Variants in ANKRD30A observed in about 807,000 individuals in gnomAD.
ANKRD30A encodes ankyrin repeat domain 30A.
Under a neutral mutation model 166.3 loss-of-function variants are expected in ANKRD30A, and 170 were observed. That is an observed-to-expected ratio of 1.02 (90% CI 0.90 to 1.16). ANKRD30A has a LOEUF of 1.16. Among genes scored for constraint, ANKRD30A ranks in the 50% most tolerant of loss-of-function variants. ANKRD30A has a pLI of 0.00. For synonymous variants in ANKRD30A, 564 were observed against 508.9 expected (o/e 1.11, Z -1.46); for missense variants, 1,630 against 1,518.0 (o/e 1.07, Z -1.23).
intron 18 of ANKRD30A, among the ~76,000 whole-genome samples, chr10:37,166,154 C>A (rs976279740): frequency 6.6e-6 from 1 of 152,142 alleles, no homozygotes; most frequent in African/African-American, 2.4e-5. Flanking sequence ...CTCATCATGA[C>A]ATGCATGATT....
chr10:37,206,799 A>C (rs941371942), intron 31 of ANKRD30A, among the ~76,000 whole-genome samples: 1 of 151,812 alleles, frequency 6.6e-6, no homozygotes, highest in African/African-American at 2.4e-5. Context: ...CATCTCAAAA[A>C]AAATAAAAAT....
the ANKRD30A span, among the ~76,000 whole-genome samples, chr10:37,258,978 A>C: frequency 0.041 from 6,164 of 150,608 alleles, 196 homozygotes; most frequent in South Asian, 0.059. Flanking sequence ...AAAAAAAAAA[A>C]AAAAAAACAA....
intron 12 of ANKRD30A, among the ~76,000 whole-genome samples, chr10:37,152,802 T>C (rs17590243): frequency 2.6e-5 from 4 of 152,074 alleles, no homozygotes. Flanking sequence ...GTCACAACTG[T>C]GGAAAGACAT....
chr10:37,205,201 A>G (rs897586359), intron 31 of ANKRD30A, among the ~76,000 whole-genome samples: 1 of 152,190 alleles, frequency 6.6e-6, no homozygotes, highest in African/African-American at 2.4e-5. Flanking sequence ...AACTAACCCA[A>G]ATATACATCA....
At chr10:37,158,464 T>A (rs1203625156) in intron 14 of ANKRD30A, 44 bp downstream of exon 14, 31 of 1,612,232 alleles carry the variant, frequency 1.9e-5, no homozygotes, top group Non-Finnish European at 2.6e-5. Context: ...ACTACATATT[T>A]TATGAAGTAT....
At chr10:37,231,138 T>C (rs1020835003) in intron 34 of ANKRD30A, among the ~76,000 whole-genome samples, 2 of 152,110 alleles carry the variant, frequency 1.3e-5, no homozygotes, top group Non-Finnish European at 2.9e-5. Flanking sequence ...ATAGCTTTTT[T>C]AATTTTAGTT....
chr10:37,195,713 T>C (rs1209567190), intron 27 of ANKRD30A, among the ~76,000 whole-genome samples: 1 of 152,120 alleles, frequency 6.6e-6, no homozygotes, highest in Admixed American at 6.5e-5. Context: ...ACTAACACAG[T>C]GAAACCCTGT....
Position 37,141,964 on chromosome 10 carries a change from A to G in ANKRD30A, c.1067A>G (p.Glu356Gly). 1 of 1,614,200 alleles carries G rather than the reference A, an allele frequency of 6.2e-7. No homozygotes were observed. The highest frequency in any genetic ancestry group is 1.1e-5 in the South Asian group (1 of 91,092). The change falls in exon 7 of 36, where the codon GAA becomes GGA. Residue 356 changes from glutamate (E) to glycine (G), a missense_variant. By Grantham distance (98) the Glu-to-Gly change is moderately conservative. Coordinates refer to ENST00000361713, the MANE Select transcript of ANKRD30A (RefSeq NM_052997.3). ...GGAAAGTTCGAACAGTCAGCAGAAGAAACACCTAGGGAAATTACGAGTCCT... is the reference window on the plus strand; with the variant it reads ...GGAAAGTTCGAACAGTCAGCAGAAGGAACACCTAGGGAAATTACGAGTCCT... ...TSGKFEQSAE[E>G]TPREITSPAK... is the part of the protein sequence containing the mutation.
chr10:37,200,525 A>C (rs1841532997), intron 30 of ANKRD30A, among the ~76,000 whole-genome samples: 1 of 152,114 alleles, frequency 6.6e-6, no homozygotes, highest in Non-Finnish European at 1.5e-5. Context: ...GCCTGGTGGT[A>C]ACAGCAAAGG....
intron 31 of ANKRD30A, among the ~76,000 whole-genome samples, chr10:37,201,569 AG>A (rs1188929076): frequency 6.6e-6 from 1 of 152,120 alleles, no homozygotes; most frequent in African/African-American, 2.4e-5. Flanking sequence ...GAGGACAATG[AG>A]AAAATAAGAA....
At chr10:37,191,031 A>G (rs1588884419) in intron 25 of ANKRD30A, among the ~76,000 whole-genome samples, 2 of 152,026 alleles carry the variant, frequency 1.3e-5, no homozygotes, top group Middle Eastern at 6.8e-3. Context: ...TTATGACTTG[A>G]ATACCTAAAT....
intron 13 of ANKRD30A, among the ~76,000 whole-genome samples, chr10:37,154,497 G>A (rs1386477870): frequency 6.6e-6 from 1 of 152,108 alleles, no homozygotes. Flanking sequence ...TCAGGAGAGA[G>A]CAGTATGGTG....
chr10:37,165,066 G>T (rs914281427), intron 17 of ANKRD30A, 28 bp from the exon 18 acceptor site: 1 of 1,588,548 alleles, frequency 6.3e-7, no homozygotes, highest in African/African-American at 1.3e-5. Flanking sequence ...CTGTGCTCAT[G>T]AATGTATCTG....
intron 34 of ANKRD30A, among the ~76,000 whole-genome samples, chr10:37,223,370 C>T (rs1237689143): frequency 6.6e-6 from 1 of 151,150 alleles, no homozygotes; most frequent in Non-Finnish European, 1.5e-5. Flanking sequence ...GCGTAGTTAC[C>T]TTATCCTGAA....
At chr10:37,200,544 CA>C (rs1841535370) in intron 30 of ANKRD30A, among the ~76,000 whole-genome samples, 1 of 151,968 alleles carries the variant, frequency 6.6e-6, no homozygotes, top group African/African-American at 2.4e-5. Context: ...GGGTGGAAGT[CA>C]ATAGACAGGT....
In ANKRD30A at chr10:37,219,761, T is replaced by A; in HGVS notation, c.4049T>A (p.Ile1350Lys). The A allele has an allele frequency of 6.2e-7, 1 of 1,608,418 alleles. No homozygotes were observed. Among genetic ancestry groups the A allele is most frequent in the Non-Finnish European group, 8.5e-7 (1 of 1,176,628 alleles). The change falls in exon 34 of 36, where the codon ATA becomes AAA. Residue 1350 changes from isoleucine (I) to lysine (K), a missense_variant. By Grantham distance (102) the Ile-to-Lys change is moderately radical (BLOSUM62 -3). Around this residue, in one of 4 missense-constraint regions of ANKRD30A, gnomAD observed 712 missense variants for 629.3 expected, o/e 1.13. Transcript: ENST00000361713. ...AAGAAAGCTGACAACAAAAGCAAGA[T>A]AACAATTGATATTCATTTTCTTGAG... is the stretch of plus-strand genomic sequence containing the variant. ...AHKKADNKSK[I>K]TIDIHFLERK...
At chr10:37,196,191 A>G (rs2249955) in intron 27 of ANKRD30A, among the ~76,000 whole-genome samples, 59,405 of 150,322 alleles carry the variant, frequency 0.4, 12,032 homozygotes, top group Admixed American at 0.43. Flanking sequence ...ACTCTGAGCA[A>G]AACAGTTGAG....
Position 37,130,231 on chromosome 10 carries a change from T to C in ANKRD30A, c.363T>C (p.Cys121=). 2 of 1,598,332 alleles carry C rather than the reference T, an allele frequency of 1.3e-6. No individual in the cohort carries two copies. Among genetic ancestry groups the C allele is most frequent in the South Asian group, 2.2e-5 (2 of 89,250 alleles). The stretch of plus-strand genomic sequence containing the variant: ...CTCTACAATGCCATCAGGAGGCTTG[T>C]GCAAATATTCTGATAGATTCTGGTG... ...MKALQCHQEA[C]ANILIDSGAD... Residue 121 remains cysteine (C), a synonymous_variant, in exon 3 of 36, where the codon TGT becomes TGC. Coordinates refer to ENST00000361713, the MANE Select transcript of ANKRD30A (RefSeq NM_052997.3).
intron 12 of ANKRD30A, among the ~76,000 whole-genome samples, chr10:37,152,945 G>T (rs1365287780): frequency 6.6e-6 from 1 of 152,102 alleles, no homozygotes; most frequent in Admixed American, 6.6e-5. Flanking sequence ...CTTTCATTTA[G>T]ATGTGACGTA....
Sources: allele counts gnomAD v4.1 joint callset (sites outside exome capture counted in the v4.1 genomes callset), GRCh38; gene constraint gnomAD v4.1.1; regional missense constraint gnomAD v4.1.1; transcripts MANE v1.5; gene names NCBI Gene and HGNC (gene_info 2026-07-23, HGNC 2026-07-21).